Variants in KCNC2 observed in about 807,000 individuals in gnomAD.
KCNC2 encodes potassium voltage-gated channel subfamily C member 2, also known as voltage-gated potassium channel KCNC2.
KCNC2 carries 21 observed loss-of-function variants against 44.5 expected under a neutral mutation model. The observed-to-expected ratio is 0.47, with a 90% CI of 0.33 to 0.68. The LOEUF (loss-of-function observed/expected upper bound fraction) is 0.68. Ranked by LOEUF, KCNC2 falls within the 30% of genes least tolerant of loss-of-function variation. The pLI, the probability that KCNC2 is intolerant of heterozygous loss-of-function variation, is 0.01. For missense variants in KCNC2, 589 were observed against 826.2 expected, an observed-to-expected ratio of 0.71 and a Z score of 3.52; for synonymous variants, 391 against 339.1, an observed-to-expected ratio of 1.15 and a Z score of -1.68.
intron 2 of KCNC2, among the ~76,000 whole-genome samples, chr12:75,071,175 A>C (rs80199462): frequency 0.16 from 24,537 of 152,048 alleles, 2,178 homozygotes; most frequent in Middle Eastern, 0.26. Context: ...TTATATAGTT[A>C]CTCTTTGATT....
intron 2 of KCNC2, among the ~76,000 whole-genome samples, chr12:75,184,611 T>G (rs1377026233): frequency 2.6e-5 from 4 of 152,190 alleles, no homozygotes; most frequent in Non-Finnish European, 5.9e-5. Flanking sequence ...TTCCCCCAGG[T>G]ACTTTTTCTT....
chr12:75,043,048 G>T lies in KCNC2; in HGVS notation c.*57C>A. 6.2e-7 allele frequency: 1 copy of T among 1,602,964 alleles called. No homozygotes were observed. On this transcript the variant is annotated 3_prime_UTR_variant, in exon 5 of 5. Transcript: ENST00000549446. The stretch of plus-strand genomic sequence containing the variant: ...TACATTTAATTATTTCCATTATGGG[G>T]TAAACAGCACTTGAATTAATACAAT...
At chr12:75,053,766 T>A (rs1186918615) in intron 2 of KCNC2, among the ~76,000 whole-genome samples, 3 of 147,564 alleles carry the variant, frequency 2.0e-5, no homozygotes, top group Non-Finnish European at 4.5e-5. Context: ...ATAATTTATA[T>A]AATTAAATAA....
intron 2 of KCNC2, among the ~76,000 whole-genome samples, chr12:75,202,521 G>C (rs2031367805): frequency 1.3e-5 from 2 of 151,598 alleles, no homozygotes; most frequent in African/African-American, 2.4e-5. Flanking sequence ...ATGAAGTTTG[G>C]GTATGCATTG....
chr12:75,150,588 T>G (rs1406627632), intron 2 of KCNC2, among the ~76,000 whole-genome samples: 3 of 151,946 alleles, frequency 2.0e-5, no homozygotes. Flanking sequence ...GGCATTATAT[T>G]GTTTTTTATT....
chr12:75,205,797 T>A (rs1362243060), intron 2 of KCNC2, among the ~76,000 whole-genome samples: 1 of 151,202 alleles, frequency 6.6e-6, no homozygotes, highest in Non-Finnish European at 1.5e-5. Context: ...TGTGGTTTAA[T>A]TTAAATGAAT....
intron 2 of KCNC2, among the ~76,000 whole-genome samples, chr12:75,190,463 A>G (rs2030092109): frequency 6.6e-6 from 1 of 152,202 alleles, no homozygotes; most frequent in African/African-American, 2.4e-5. Context: ...TTCCAGATCC[A>G]AGATTTTGTT....
At chr12:75,043,655 T>C in intron 4 of KCNC2, 5 of 1,294,940 alleles carry the variant, frequency 3.9e-6, no homozygotes, top group Non-Finnish European at 4.9e-6. Context: ...TTTCATTTTT[T>C]ATTTCCTAAG....
chr12:75,054,533 A>G (rs73357063), intron 2 of KCNC2, among the ~76,000 whole-genome samples: 4,221 of 152,238 alleles, frequency 0.028, 217 homozygotes, highest in African/African-American at 0.095. Flanking sequence ...AAATTTTAAG[A>G]TGATGCCTTT....
chr12:75,136,935 A>G (rs1015071426), intron 2 of KCNC2, among the ~76,000 whole-genome samples: 1 of 152,058 alleles, frequency 6.6e-6, no homozygotes, highest in Non-Finnish European at 1.5e-5. Context: ...TCCCACCACA[A>G]CATTCCCAAT....
rs530004804 is a variant in KCNC2, at chr12:75,149,219, G to GTT, written c.687+58077_687+58078insAA. On this transcript the variant is annotated intron_variant, in intron 2 of 4. Coordinates refer to ENST00000549446, the MANE Select transcript of KCNC2 (RefSeq NM_139137.4). ...TATTTGTGTCTGTGTGTGTGTGTGT[G>GTT]TAAAGTATGTAATTTATTTTGTAGT... 6.6e-5 allele frequency among the ~76,000 whole-genome samples: 10 copies of GTT among 151,888 alleles called. No homozygotes were observed. The East Asian group carries it at 1.9e-3, about 29-fold the overall frequency.
intron 2 of KCNC2, among the ~76,000 whole-genome samples, chr12:75,101,391 A>G (rs1460335176): frequency 6.6e-6 from 1 of 152,074 alleles, no homozygotes; most frequent in Non-Finnish European, 1.5e-5. Flanking sequence ...ACCTAAAAGC[A>G]GTTTTGATGT....
chr12:75,127,194 C>A (rs181831621), intron 2 of KCNC2, among the ~76,000 whole-genome samples: 1 of 151,986 alleles, frequency 6.6e-6, no homozygotes. Flanking sequence ...TTTAACAAAG[C>A]GAGAATTAGT....
rs569958204 is a variant in KCNC2, at chr12:75,103,631, C to T, written c.688-52314G>A. 2.0e-5 allele frequency among the ~76,000 whole-genome samples: 3 copies of T among 152,228 alleles called. No homozygotes were observed. The South Asian group carries it at 6.2e-4, about 32-fold the overall frequency. On this transcript the variant is annotated intron_variant, in intron 2 of 4. Transcript: ENST00000549446. ...ACAAATCTGAGTGCAAAAACCCATG[C>T]TCATTATACAAGGTTATACTCATAT...
chr12:75,136,513 A>C (rs1889241523), intron 2 of KCNC2, among the ~76,000 whole-genome samples: 1 of 152,116 alleles, frequency 6.6e-6, no homozygotes. Flanking sequence ...CCACAGAAAC[A>C]CAAAAGATCA....
At chr12:75,065,486 C>G (rs1244252240) in intron 2 of KCNC2, among the ~76,000 whole-genome samples, 1 of 152,054 alleles carries the variant, frequency 6.6e-6, no homozygotes, top group Non-Finnish European at 1.5e-5. Flanking sequence ...AATGATATTT[C>G]AGTCAATAAT....
At chr12:75,174,036 C>G (rs1431562586) in intron 2 of KCNC2, among the ~76,000 whole-genome samples, 3 of 151,508 alleles carry the variant, frequency 2.0e-5, no homozygotes, top group Non-Finnish European at 4.4e-5. Context: ...TAGTATAATA[C>G]TTTATCCTTC....
intron 2 of KCNC2, among the ~76,000 whole-genome samples, chr12:75,175,899 A>T (rs1892151026): frequency 6.6e-6 from 1 of 152,096 alleles, no homozygotes; most frequent in African/African-American, 2.4e-5. Flanking sequence ...TTTCAGGTAA[A>T]TAGTGAAAAC....
chr12:75,122,749 G>C (rs1240483863), intron 2 of KCNC2, among the ~76,000 whole-genome samples: 1 of 151,978 alleles, frequency 6.6e-6, no homozygotes, highest in Non-Finnish European at 1.5e-5. Flanking sequence ...TCTAGTATTT[G>C]CTAAGGCTGT....
Sources: gnomAD v4.1 joint callset for allele counts (sites outside exome capture counted in the v4.1 genomes callset) on GRCh38, gnomAD v4.1.1 for gene constraint, MANE v1.5 for transcripts, NCBI Gene and HGNC (gene_info 2026-07-23, HGNC 2026-07-21) for gene names.